MAP2K4: variants seen among roughly 807,000 people sequenced by gnomAD.
The protein encoded by MAP2K4 is dual specificity mitogen-activated protein kinase kinase 4.
In MAP2K4, 4 loss-of-function variants were observed where a neutral mutation model predicts 48.5. That is an observed-to-expected ratio of 0.08 (90% CI 0.04 to 0.19). MAP2K4 has a LOEUF of 0.19. MAP2K4 is among the 10% of genes least tolerant of loss of function. The probability of loss-of-function intolerance (pLI) is 1.00; values close to 1 mark genes in which losing one functional copy is unlikely to be tolerated. For missense variants in MAP2K4, 258 were observed against 493.3 expected (o/e 0.52, Z 4.52); for synonymous variants, 166 against 173.1 (o/e 0.96, Z 0.32).
chr17:12,086,056 C>T (rs1356271166), intron 3 of MAP2K4, among the ~76,000 whole-genome samples: 1 of 152,094 alleles, frequency 6.6e-6, no homozygotes, highest in Admixed American at 6.5e-5. Context: ...CTGGGATGGC[C>T]TTCAATTGGA....
At chr17:12,062,370 C>T (rs2151531995) in intron 2 of MAP2K4, among the ~76,000 whole-genome samples, 1 of 152,210 alleles carries the variant, frequency 6.6e-6, no homozygotes, top group South Asian at 2.1e-4. Context: ...GGATCTTGCT[C>T]TGTTGCCCTG....
chr17:12,069,285 A>T (rs1311700783), intron 2 of MAP2K4, among the ~76,000 whole-genome samples: 1 of 152,170 alleles, frequency 6.6e-6, no homozygotes, highest in Non-Finnish European at 1.5e-5. Context: ...ATCTCATGAA[A>T]ACATGTAACC....
chr17:12,053,564 A>G (rs1970204287), intron 1 of MAP2K4, among the ~76,000 whole-genome samples: 1 of 151,622 alleles, frequency 6.6e-6, no homozygotes, highest in Non-Finnish European at 1.5e-5. Flanking sequence ...TTTTAAATAC[A>G]GTCATATCTG....
At chr17:12,080,023 T>G (rs1274063424) in intron 2 of MAP2K4, among the ~76,000 whole-genome samples, 2 of 152,230 alleles carry the variant, frequency 1.3e-5, no homozygotes, top group African/African-American at 4.8e-5. Flanking sequence ...GATTTGAAAG[T>G]CTGTTATTTG....
chr17:12,021,276 G>A, intron 1 of MAP2K4: 1 of 236,914 alleles, frequency 4.2e-6, no homozygotes, highest in Non-Finnish European at 8.1e-6. Flanking sequence ...GGGCCCACCT[G>A]GTCCGGGACC....
rs187331089 is a variant in MAP2K4, at chr17:12,074,658, A to G, written c.219-6698A>G. On this transcript the variant is annotated intron_variant, in intron 2 of 10. Transcript: ENST00000353533. Reference sequence around the variant, plus strand: ...CCGCTGATCAAGGAGGGCCCTCTGCATATCGGTGGGGTTCTCTTTCTGTGT... The same window carrying G: ...CCGCTGATCAAGGAGGGCCCTCTGCGTATCGGTGGGGTTCTCTTTCTGTGT... 1.1e-3 allele frequency among the ~76,000 whole-genome samples: 161 copies of G among 152,202 alleles called. 2 individuals are homozygous for G. The highest frequency in any genetic ancestry group is 1.0e-3 in the Non-Finnish European group (68 of 68,012).
chr17:12,116,927 A>G (rs1972518344), intron 7 of MAP2K4, among the ~76,000 whole-genome samples: 1 of 152,230 alleles, frequency 6.6e-6, no homozygotes, highest in South Asian at 2.1e-4. Context: ...TTAAAACAGC[A>G]TCACCACGAG....
chr17:12,078,620 G>A (rs1415786894), intron 2 of MAP2K4, among the ~76,000 whole-genome samples: 3 of 152,062 alleles, frequency 2.0e-5, no homozygotes, highest in Admixed American at 6.6e-5. Flanking sequence ...TTCTTTAAGA[G>A]TATAATTGTA....
chr17:12,096,282 T>C (rs527682662), intron 4 of MAP2K4, among the ~76,000 whole-genome samples: 1 of 152,272 alleles, frequency 6.6e-6, no homozygotes, highest in African/African-American at 2.4e-5. Context: ...AGCTCTAATT[T>C]CTTGGTCTCA....
At chr17:12,090,859 C>T (rs941202956) in intron 3 of MAP2K4, among the ~76,000 whole-genome samples, 61 of 152,194 alleles carry the variant, frequency 4.0e-4, no homozygotes, top group African/African-American at 1.3e-3. Flanking sequence ...AGTCCTTAAG[C>T]GAGTTTAGTT....
intron 9 of MAP2K4, among the ~76,000 whole-genome samples, chr17:12,131,387 A>G (rs1973018530): frequency 6.6e-6 from 1 of 151,976 alleles, no homozygotes; most frequent in Admixed American, 6.5e-5. Context: ...TGCTGGGATT[A>G]CAGGCACCTG....
chr17:12,088,445 T>TATATTAAATATTAA (rs1971437514), intron 3 of MAP2K4, among the ~76,000 whole-genome samples: 3 of 129,630 alleles, frequency 2.3e-5, no homozygotes, highest in Admixed American at 8.5e-5. Flanking sequence ...TTACATATAA[T>TATATTAAATATTAA]ATATATTAAA....
intron 2 of MAP2K4, among the ~76,000 whole-genome samples, chr17:12,063,190 G>T (rs976132144): frequency 1.3e-5 from 2 of 152,084 alleles, no homozygotes; most frequent in Non-Finnish European, 2.9e-5. Context: ...AGTAAGTTGG[G>T]GGACTTAAAA....
chr17:12,100,472 G>A (rs1971902743), intron 4 of MAP2K4, among the ~76,000 whole-genome samples: 1 of 152,108 alleles, frequency 6.6e-6, no homozygotes, highest in East Asian at 1.9e-4. Context: ...CCTGTTGATG[G>A]CCATTTGGAT....
chr17:12,136,436 T>G (rs2151596030), intron 9 of MAP2K4, among the ~76,000 whole-genome samples: 1 of 152,338 alleles, frequency 6.6e-6, no homozygotes, highest in Middle Eastern at 3.4e-3. Context: ...GAGAGATTAA[T>G]GAACTAGAAG....
intron 2 of MAP2K4, among the ~76,000 whole-genome samples, chr17:12,068,777 A>T (rs1412788144): frequency 6.9e-6 from 1 of 145,424 alleles, no homozygotes. Flanking sequence ...GCGTGTGTGT[A>T]TATGTATTTA....
At chr17:12,046,216 T>G (rs115687109) in intron 1 of MAP2K4, among the ~76,000 whole-genome samples, 28 of 152,292 alleles carry the variant, frequency 1.8e-4, no homozygotes, top group African/African-American at 6.5e-4. Context: ...ACTGGCTGCC[T>G]CCTTTTGGGT....
rs1972702988 is a variant in MAP2K4 at position 12,121,824 on chromosome 17, G to C, written c.814-3470G>C. ...TGCATAACATTGCAAAGCACATAAT[G>C]GTTACTATTTGTAATGTTTACAGAC... On this transcript the variant is annotated intron_variant, in intron 7 of 10. Transcript: ENST00000353533. Among the ~76,000 whole-genome samples, 3 of 152,036 alleles carry C rather than the reference G, an allele frequency of 2.0e-5. No homozygotes were observed. The South Asian group carries it at 6.2e-4, about 32-fold the overall frequency.
chr17:12,120,991 G>T, intron 7 of MAP2K4, among the ~76,000 whole-genome samples: 1 of 152,274 alleles, frequency 6.6e-6, no homozygotes, highest in South Asian at 2.1e-4. Context: ...ATTTTTTACT[G>T]TTAAGTATTT....
Sources: gnomAD v4.1 joint callset for allele counts (sites outside exome capture counted in the v4.1 genomes callset) on GRCh38, gnomAD v4.1.1 for gene constraint, MANE v1.5 for transcripts, NCBI Gene and HGNC (gene_info 2026-07-23, HGNC 2026-07-21) for gene names.